Variants in MAPKAP1 observed in about 807,000 individuals in gnomAD.
MAPKAP1 encodes the protein target of rapamycin complex 2 subunit MAPKAP1.
A neutral mutation model predicts 65.7 loss-of-function variants in MAPKAP1; 20 were observed. That is an observed-to-expected ratio of 0.30 (90% CI 0.21 to 0.44). The LOEUF (loss-of-function observed/expected upper bound fraction) is 0.44, where lower values mean the gene tolerates loss of function less well. Ranked by LOEUF, MAPKAP1 falls within the 20% of genes least tolerant of loss-of-function variation. MAPKAP1 has a pLI of 1.00. For synonymous variants in MAPKAP1, 222 were observed against 244.3 expected (o/e 0.91, Z 0.85); for missense variants, 423 against 648.0 (o/e 0.65, Z 3.77).
At chr9:125,499,613 C>T (rs569441070) in intron 8 of MAPKAP1, among the ~76,000 whole-genome samples, 15 of 152,216 alleles carry the variant, frequency 9.9e-5, no homozygotes, top group East Asian at 1.9e-4. Context: ...TGTTCATGTT[C>T]GGAAGTAGAG....
At chr9:125,514,925 T>C (rs537343350) in intron 7 of MAPKAP1, among the ~76,000 whole-genome samples, 3 of 152,244 alleles carry the variant, frequency 2.0e-5, no homozygotes, top group East Asian at 1.9e-4. Flanking sequence ...ACATCAGCTA[T>C]GCTAAAATGT....
At chr9:125,583,586 T>C (rs1365014948) in intron 5 of MAPKAP1, among the ~76,000 whole-genome samples, 1 of 152,198 alleles carries the variant, frequency 6.6e-6, no homozygotes, top group Non-Finnish European at 1.5e-5. Flanking sequence ...TCAGAGATTG[T>C]TGGGTTTTAA....
chr9:125,473,475 C>T (rs576771774), intron 9 of MAPKAP1, among the ~76,000 whole-genome samples: 1 of 152,304 alleles, frequency 6.6e-6, no homozygotes, highest in South Asian at 2.1e-4. Flanking sequence ...AAAACATTGC[C>T]TGATTGCTGT....
At chr9:125,672,167 G>T in intron 2 of MAPKAP1, 149 bp downstream of exon 2, 1 of 788,290 alleles carries the variant, frequency 1.3e-6, no homozygotes, top group Non-Finnish European at 2.0e-6. Flanking sequence ...TGGAGATGTT[G>T]CTCAGACTCA....
intron 5 of MAPKAP1, among the ~76,000 whole-genome samples, chr9:125,564,591 C>T (rs369499384): frequency 6.6e-6 from 1 of 152,172 alleles, no homozygotes; most frequent in African/African-American, 2.4e-5. Flanking sequence ...GCCTCACTCA[C>T]GTCCCCTTGT....
chr9:125,684,972 T>C lies in MAPKAP1; in HGVS notation c.-69-12329A>G, dbSNP rs564059164. On this transcript the variant is annotated intron_variant, in intron 1 of 11. Coordinates refer to ENST00000265960, the MANE Select transcript of MAPKAP1 (RefSeq NM_001006617.3). ...ACAGACCTGAGCCACCGCACCCGGC[T>C]TGCTCCCTCCATGTGCCCATTTCAC... 1.7e-3 allele frequency among the ~76,000 whole-genome samples: 259 copies of C among 152,342 alleles called. 1 individual carries two copies. Among genetic ancestry groups the C allele is most frequent in the African/African-American group, 6.1e-3 (252 of 41,576 alleles).
intron 5 of MAPKAP1, among the ~76,000 whole-genome samples, chr9:125,577,486 G>C (rs1234960030): frequency 7.0e-6 from 1 of 142,240 alleles, no homozygotes; most frequent in African/African-American, 2.6e-5. Flanking sequence ...GAGGTGAGGG[G>C]CACCTCTGCC....
At chr9:125,575,315 T>C (rs1310011574) in intron 5 of MAPKAP1, among the ~76,000 whole-genome samples, 2 of 152,154 alleles carry the variant, frequency 1.3e-5, no homozygotes, top group East Asian at 1.9e-4. Context: ...TGAACTGTAA[T>C]TGCACAACCG....
In MAPKAP1 at chr9:125,447,994, G is replaced by A. The variant is rs890817235; in HGVS notation, c.1346-3396C>T. Among the ~76,000 whole-genome samples, 1 of 152,214 alleles carries A rather than the reference G, an allele frequency of 6.6e-6. No individual in the cohort carries two copies. The highest frequency in any genetic ancestry group is 1.5e-5 in the Non-Finnish European group (1 of 68,038). On this transcript the variant is annotated intron_variant, in intron 10 of 11. Transcript: ENST00000265960. This position sits in a 1 kb window ranked among gnomAD's most constrained non-coding sequence, Gnocchi z 4.5. ...CAGGTGGGAGGGAGAGGGACACAAA[G>A]GGCTGAGAGTGCCTGGAGTCACCAG...
At chr9:125,590,933 C>A (rs1302736437) in intron 4 of MAPKAP1, among the ~76,000 whole-genome samples, 1 of 152,060 alleles carries the variant, frequency 6.6e-6, no homozygotes, top group Non-Finnish European at 1.5e-5. Flanking sequence ...GCCACCACAC[C>A]CAGCTACTTT....
intron 3 of MAPKAP1, among the ~76,000 whole-genome samples, chr9:125,659,717 T>TG (rs1554838614): frequency 1.0e-4 from 15 of 144,590 alleles, no homozygotes; most frequent in Non-Finnish European, 2.1e-4. Flanking sequence ...CACTGCTCAT[T>TG]AAAAAAAAAA....
intron 4 of MAPKAP1, among the ~76,000 whole-genome samples, chr9:125,601,917 T>C (rs1832309787): frequency 6.6e-6 from 1 of 152,218 alleles, no homozygotes; most frequent in Admixed American, 6.5e-5. Context: ...GTGATACAAC[T>C]GCAAAGAGCC....
chr9:125,625,244 A>AT (rs1462619573), intron 4 of MAPKAP1, among the ~76,000 whole-genome samples: 110 of 44,234 alleles, frequency 2.5e-3, no homozygotes, highest in Middle Eastern at 0.021. Context: ...AATAAAAAAA[A>AT]AATAAATAAA....
chr9:125,464,157 A>T (rs1853594256), intron 10 of MAPKAP1, among the ~76,000 whole-genome samples: 1 of 131,868 alleles, frequency 7.6e-6, no homozygotes, highest in African/African-American at 2.8e-5. Flanking sequence ...TGAGCCCAGG[A>T]GTTTGAGCCC....
intron 7 of MAPKAP1, among the ~76,000 whole-genome samples, chr9:125,531,324 G>C (rs1829927819): frequency 6.6e-6 from 1 of 152,184 alleles, no homozygotes; most frequent in Admixed American, 6.6e-5. Flanking sequence ...CAACCTCTCT[G>C]AGCTTTAGTA....
intron 1 of MAPKAP1, among the ~76,000 whole-genome samples, chr9:125,693,846 T>C (rs13297252): frequency 0.3 from 40,145 of 134,988 alleles, 6,878 homozygotes; most frequent in Middle Eastern, 0.39. Flanking sequence ...TATACACACA[T>C]ACACACACAC....
chr9:125,693,836 T>TAC (rs375290028), intron 1 of MAPKAP1, among the ~76,000 whole-genome samples: 9,085 of 119,426 alleles, frequency 0.076, 570 homozygotes, highest in Middle Eastern at 0.15. Flanking sequence ...CACACATATA[T>TAC]ATACACACAT....
intron 10 of MAPKAP1, among the ~76,000 whole-genome samples, chr9:125,459,571 A>C (rs866661593): frequency 6.7e-6 from 1 of 150,170 alleles, no homozygotes; most frequent in Non-Finnish European, 1.5e-5. Context: ...CCGGCACCTC[A>C]GGAGGCCGAG....
At chr9:125,547,337 C>A (rs1056192483) in intron 6 of MAPKAP1, among the ~76,000 whole-genome samples, 1 of 152,162 alleles carries the variant, frequency 6.6e-6, no homozygotes, top group African/African-American at 2.4e-5. Context: ...TGGAAGGCAG[C>A]ATACTGGAGA....
Sources: gnomAD v4.1 joint callset for allele counts (sites outside exome capture counted in the v4.1 genomes callset) on GRCh38, gnomAD v4.1.1 for gene constraint, Gnocchi (gnomAD v3.1) non-coding constraint, MANE v1.5 for transcripts, NCBI Gene and HGNC (gene_info 2026-07-23, HGNC 2026-07-21) for gene names.